MARCHF1: variants seen among roughly 807,000 people sequenced by gnomAD.
MARCHF1 encodes the protein membrane associated ring-CH-type finger 1, also known as E3 ubiquitin-protein ligase MARCHF1.
In MARCHF1, 40 loss-of-function variants were observed where a neutral mutation model predicts 54.2. That is an observed-to-expected ratio of 0.74 (90% confidence interval 0.57 to 0.96). The LOEUF is 0.96. MARCHF1 is among the 40% of genes least tolerant of loss of function. MARCHF1 has a pLI of 0.00. For synonymous variants in MARCHF1, 236 were observed against 236.3 expected (o/e 1.00, Z 0.01); for missense variants, 586 against 656.5 (o/e 0.89, Z 1.17).
intron 5 of MARCHF1, among the ~76,000 whole-genome samples, chr4:163,692,379 G>C (rs1224173281): frequency 6.6e-6 from 1 of 152,166 alleles, no homozygotes; most frequent in Non-Finnish European, 1.5e-5. Context: ...AGTGGTATTT[G>C]AGTAGAAATG....
intron 3 of MARCHF1, among the ~76,000 whole-genome samples, chr4:163,975,890 G>A (rs1336229857): frequency 6.6e-6 from 1 of 152,128 alleles, no homozygotes; most frequent in Non-Finnish European, 1.5e-5. Context: ...CCCATACAAT[G>A]TTTAAAAATA....
chr4:164,183,713 C>A (rs1730893409), intron 1 of MARCHF1, among the ~76,000 whole-genome samples: 1 of 152,118 alleles, frequency 6.6e-6, no homozygotes, highest in Non-Finnish European at 1.5e-5. Context: ...AAGCAGGTAA[C>A]CACCATCATG....
At chr4:163,727,075 A>C (rs1030573347) in intron 4 of MARCHF1, among the ~76,000 whole-genome samples, 4 of 152,162 alleles carry the variant, frequency 2.6e-5, no homozygotes, top group Non-Finnish European at 4.4e-5. Context: ...ATTTTAATGA[A>C]GTCCAGTTTG....
At chr4:164,290,014 A>G (rs1289247645) in intron 1 of MARCHF1, among the ~76,000 whole-genome samples, 3 of 151,654 alleles carry the variant, frequency 2.0e-5, no homozygotes, top group Non-Finnish European at 4.4e-5. Context: ...ATTGTTTTTA[A>G]ATCCTCCAAC....
intron 5 of MARCHF1, among the ~76,000 whole-genome samples, chr4:163,691,856 G>A (rs1054633897): frequency 6.6e-6 from 1 of 152,154 alleles, no homozygotes; most frequent in Non-Finnish European, 1.5e-5. Flanking sequence ...TGTGGCTGAT[G>A]ATCATAGCTA....
intron 4 of MARCHF1, among the ~76,000 whole-genome samples, chr4:163,797,936 A>G (rs1260250396): frequency 6.6e-6 from 1 of 152,044 alleles, no homozygotes; most frequent in Non-Finnish European, 1.5e-5. Context: ...GTAATTTTCA[A>G]CTCTAAGCTC....
At chr4:163,889,401 C>T (rs930890562) in intron 3 of MARCHF1, among the ~76,000 whole-genome samples, 5 of 152,136 alleles carry the variant, frequency 3.3e-5, no homozygotes, top group African/African-American at 1.2e-4. Flanking sequence ...AGTCCAGAAG[C>T]CTCATCCTTG....
chr4:163,906,082 A>C (rs1751060842), intron 3 of MARCHF1, among the ~76,000 whole-genome samples: 1 of 152,078 alleles, frequency 6.6e-6, no homozygotes, highest in Non-Finnish European at 1.5e-5. Flanking sequence ...CAATGGATAC[A>C]TGGAGAAATA....
At chr4:163,704,320 A>G (rs1744890787) in intron 4 of MARCHF1, among the ~76,000 whole-genome samples, 1 of 151,846 alleles carries the variant, frequency 6.6e-6, no homozygotes, top group Admixed American at 6.6e-5. Flanking sequence ...TAGGGTAATT[A>G]TAACTTGGAA....
chr4:163,957,635 T>TGGAATAAAGG (rs1752256528), intron 3 of MARCHF1, among the ~76,000 whole-genome samples: 1 of 152,060 alleles, frequency 6.6e-6, no homozygotes, highest in Non-Finnish European at 1.5e-5. Context: ...TTCTGAAACT[T>TGGAATAAAGG]AACTCTTTTC....
rs151159957 is a variant in MARCHF1, at chr4:163,868,153, C to A, written c.-38-13984G>T. Among the ~76,000 whole-genome samples, 513 of 151,862 alleles carry A rather than the reference C, an allele frequency of 3.4e-3. 6 individuals are homozygous for A. The highest frequency in any genetic ancestry group is 0.012 in the African/African-American group (481 of 41,456). On this transcript the variant is annotated intron_variant, in intron 3 of 9. Coordinates refer to ENST00000514618, the MANE Select transcript of MARCHF1 (RefSeq NM_001394959.1). ...AATGGGGCTTTTATATCTCCAGGAC[C>A]AAGAACAGATCATAGCACTCAATAA... is the stretch of plus-strand genomic sequence containing the variant.
intron 5 of MARCHF1, among the ~76,000 whole-genome samples, chr4:163,664,048 C>A (rs924729725): frequency 6.6e-6 from 1 of 151,846 alleles, no homozygotes; most frequent in Non-Finnish European, 1.5e-5. Flanking sequence ...AAAAATAAAC[C>A]GAGTACTCTC....
intron 8 of MARCHF1, among the ~76,000 whole-genome samples, chr4:163,569,537 A>G (rs1399644152): frequency 6.6e-6 from 1 of 152,140 alleles, no homozygotes; most frequent in African/African-American, 2.4e-5. Flanking sequence ...AGTGGTTTAC[A>G]TGCATTATCT....
intron 2 of MARCHF1, among the ~76,000 whole-genome samples, chr4:164,038,002 G>A (rs1754045417): frequency 6.6e-6 from 1 of 152,136 alleles, no homozygotes; most frequent in Non-Finnish European, 1.5e-5. Context: ...AGAAATGGGT[G>A]TGGCCATGAA....
chr4:164,351,031 A>T (rs1730301339), intron 1 of MARCHF1, among the ~76,000 whole-genome samples: 1 of 152,076 alleles, frequency 6.6e-6, no homozygotes, highest in Non-Finnish European at 1.5e-5. Context: ...GGTTACTCCC[A>T]CCCGAATACT....
intron 4 of MARCHF1, among the ~76,000 whole-genome samples, chr4:163,741,009 A>G (rs1442280329): frequency 6.6e-6 from 1 of 152,132 alleles, no homozygotes; most frequent in Non-Finnish European, 1.5e-5. Flanking sequence ...CCTTCTCTAT[A>G]GTCTCCTTAT....
chr4:163,871,982 G>C (rs1446889740), intron 3 of MARCHF1, among the ~76,000 whole-genome samples: 30 of 152,116 alleles, frequency 2.0e-4, no homozygotes, highest in Admixed American at 2.0e-3. Flanking sequence ...TATTAAGTTA[G>C]TCAAGATGTA....
intron 3 of MARCHF1, among the ~76,000 whole-genome samples, chr4:163,953,448 CAT>C (rs1456355172): frequency 2.0e-5 from 3 of 152,116 alleles, no homozygotes; most frequent in African/African-American, 4.8e-5. Flanking sequence ...ATGCTGAACA[CAT>C]AGTAGTTTAA....
At chr4:164,132,335 A>G (rs528365308) in intron 1 of MARCHF1, among the ~76,000 whole-genome samples, 1 of 152,186 alleles carries the variant, frequency 6.6e-6, no homozygotes, top group East Asian at 1.9e-4. Flanking sequence ...CTGCTATTCC[A>G]AATTTGTGAT....
Sources: gnomAD v4.1 joint callset for allele counts (sites outside exome capture counted in the v4.1 genomes callset) on GRCh38, gnomAD v4.1.1 for gene constraint, MANE v1.5 for transcripts, NCBI Gene and HGNC (gene_info 2026-07-23, HGNC 2026-07-21) for gene names.